The following EBF4 variants were observed in gnomAD, a reference collection of about 807,000 sequenced individuals.
The protein encoded by EBF4 is transcription factor COE4.
EBF4 carries 34 observed loss-of-function variants against 67.1 expected under a neutral mutation model. That is an observed-to-expected ratio of 0.51 (90% CI 0.39 to 0.67). The LOEUF (loss-of-function observed/expected upper bound fraction) is 0.67, where lower values mean the gene tolerates loss of function less well. EBF4 is among the 30% of genes least tolerant of loss of function. The pLI is 0.00. For synonymous variants in EBF4, 387 were observed against 377.7 expected (o/e 1.02, Z -0.29); for missense variants, 837 against 873.3 (o/e 0.96, Z 0.52).
At chr20:2,749,711 C>T in exon 9 of EBF4, 1 of 1,555,506 alleles carries the variant, frequency 6.4e-7, no homozygotes, top group Admixed American at 1.9e-5. Context: ...ACTTCTTCGA[C>T]GGGTTGCAGG....
In EBF4 at chr20:2,693,919, C is replaced by A; in HGVS notation, c.137+137C>A. On this transcript the variant is annotated intron_variant, in intron 1 of 16. Transcript: ENST00000609451. The surrounding 1 kb of genome is among the most constrained non-coding windows in gnomAD (Gnocchi z 4.6). ...GGTCCCGGCGAGCTCCCCGGCCCAC[C>A]CCGTCCGGAGTGCCTGTGCTGCCTC... 8.6e-7 allele frequency: 1 copy of A among 1,164,662 alleles called. No individual in the cohort carries two copies. Among genetic ancestry groups the A allele is most frequent in the Non-Finnish European group, 1.1e-6 (1 of 924,962 alleles). 72.1% of individuals were successfully genotyped at this position (1,164,662 alleles called of 1,614,324 possible).
chr20:2,741,725 A>C (rs748832238), intron 6 of EBF4, among the ~76,000 whole-genome samples: 1 of 152,184 alleles, frequency 6.6e-6, no homozygotes, highest in African/African-American at 2.4e-5. Flanking sequence ...GTCATGATGC[A>C]TAACTACCAT....
chr20:2,749,537 G>A lies in EBF4; in HGVS notation c.757+19G>A. Reference sequence around the variant, plus strand: ...TCCGAAGGTCAGGACCCCCGGCCCAGCCCCGGCCGCCGCGGGCCCAGCCAG... The same window carrying A: ...TCCGAAGGTCAGGACCCCCGGCCCAACCCCGGCCGCCGCGGGCCCAGCCAG... On this transcript the variant is annotated intron_variant, in intron 8 of 16. Transcript: ENST00000609451. 6.5e-7 allele frequency: 1 copy of A among 1,540,786 alleles called. No individual in the cohort carries two copies. Among genetic ancestry groups the A allele is most frequent in the Admixed American group, 2.0e-5 (1 of 49,780 alleles).
exon 2 of EBF4, chr20:2,705,675 A>G: frequency 6.4e-7 from 1 of 1,551,936 alleles, no homozygotes; most frequent in Non-Finnish European, 8.7e-7. Flanking sequence ...TACGACCGGC[A>G]GGGGCAGCCC....
chr20:2,740,778 C>A (rs1310362233), intron 6 of EBF4, among the ~76,000 whole-genome samples: 1 of 152,072 alleles, frequency 6.6e-6, no homozygotes, highest in Admixed American at 6.5e-5. Context: ...CGGAGTCTAG[C>A]GTCAGCCTAT....
intron 6 of EBF4, among the ~76,000 whole-genome samples, chr20:2,740,620 T>G (rs905675936): frequency 6.6e-6 from 1 of 152,176 alleles, no homozygotes; most frequent in African/African-American, 2.4e-5. Flanking sequence ...GTGAAAAGCC[T>G]TAGCTCTGTG....
At chr20:2,758,354 C>G (rs896311577) in intron 15 of EBF4, among the ~76,000 whole-genome samples, 4 of 152,144 alleles carry the variant, frequency 2.6e-5, no homozygotes, top group South Asian at 2.1e-4. Context: ...TACACAGTCA[C>G]TTTTTTTGCC....
At chr20:2,708,095 C>A (rs531263074) in intron 5 of EBF4, 75 bp downstream of exon 5, 4 of 1,451,108 alleles carry the variant, frequency 2.8e-6, no homozygotes, top group East Asian at 5.0e-5. Flanking sequence ...GCCCTGCCCC[C>A]TCGCCGCCCT....
chr20:2,717,164 A>G (rs1017514271), intron 6 of EBF4, among the ~76,000 whole-genome samples: 16 of 152,300 alleles, frequency 1.1e-4, no homozygotes, highest in African/African-American at 3.8e-4. Flanking sequence ...AATAACGGCC[A>G]CAAATACTCA....
chr20:2,735,998 A>G (rs761595585), intron 6 of EBF4, among the ~76,000 whole-genome samples: 81 of 152,368 alleles, frequency 5.3e-4, no homozygotes, highest in Middle Eastern at 3.4e-3. Flanking sequence ...ATGGTAGCCA[A>G]TAGCCACACA....
At chr20:2,749,818 A>T (rs1442556712) in intron 9 of EBF4, 29 bp from the exon 10 acceptor site, 28 of 1,543,758 alleles carry the variant, frequency 1.8e-5, no homozygotes, top group Non-Finnish European at 2.4e-5. Context: ...CCGGTGCGGG[A>T]CCTGCAGGCC....
rs141533859 is a variant in EBF4, at chr20:2,701,112, G to C, written c.138-4465G>C. Among the ~76,000 whole-genome samples the C allele has an allele frequency of 4.1e-3, 628 of 152,326 alleles. 3 individuals carry two copies. The highest frequency in any genetic ancestry group is 0.014 in the African/African-American group (576 of 41,592). Reference sequence around the variant, plus strand: ...ACTGCCCTGTTGTTGTCCATGGCACGGATCTTGTCCTGCAGCTGTAAACTA... The same window carrying C: ...ACTGCCCTGTTGTTGTCCATGGCACCGATCTTGTCCTGCAGCTGTAAACTA... On this transcript the variant is annotated intron_variant, in intron 1 of 16. Coordinates refer to ENST00000609451, the Ensembl canonical transcript of EBF4.
intron 1 of EBF4, among the ~76,000 whole-genome samples, chr20:2,697,239 T>A (rs2087302990): frequency 6.6e-6 from 1 of 151,962 alleles, no homozygotes; most frequent in African/African-American, 2.4e-5. Context: ...GGAAGGAAAG[T>A]TCTGAGCAAA....
intron 1 of EBF4, among the ~76,000 whole-genome samples, chr20:2,698,815 G>A (rs540213796): frequency 4.6e-5 from 7 of 152,256 alleles, no homozygotes; most frequent in Non-Finnish European, 7.3e-5. Flanking sequence ...GGCAAGGCAC[G>A]GCTCAAAACC....
At position 2,755,455 on chromosome 20, in the gene EBF4, G is replaced by A; in HGVS notation, c.1541-172G>A. On this transcript the variant is annotated intron_variant, in intron 14 of 16. Coordinates refer to ENST00000609451, the Ensembl canonical transcript of EBF4. This position sits in a 1 kb window ranked among gnomAD's most constrained non-coding sequence, Gnocchi z 4.7. ...GAGAAAAGGTCTCCAGAACCGCTGA[G>A]AGGTCAGGGCTGGCCCAGGACCCTC... 1.7e-6 allele frequency: 1 copy of A among 591,788 alleles called. No homozygotes were observed. Among genetic ancestry groups the A allele is most frequent in the South Asian group, 2.0e-5 (1 of 49,068 alleles). The allele number at this position is 591,788 out of a possible 1,614,324, so 36.7% of individuals were successfully genotyped here.
intron 6 of EBF4, among the ~76,000 whole-genome samples, chr20:2,728,149 C>T (rs899132924): frequency 6.6e-6 from 1 of 152,168 alleles, no homozygotes; most frequent in Non-Finnish European, 1.5e-5. Flanking sequence ...ATAAGTTGCA[C>T]TAAGAAGGGT....
rs2087290139 is a variant in EBF4 at position 2,696,471 on chromosome 20, CA to C, written c.137+2694del. ...TGGGCGGCAGAGTGAAACTGTGCCT[CA>C]AAAATAAATAAGTAAATAAATAAAA... On this transcript the variant is annotated intron_variant, in intron 1 of 16. Transcript: ENST00000609451. This position sits in a 1 kb window ranked among gnomAD's most constrained non-coding sequence, Gnocchi z 4.7. Among the ~76,000 whole-genome samples, 1 of 151,812 alleles carries C rather than the reference CA, an allele frequency of 6.6e-6. No individual in the cohort carries two copies. The highest frequency in any genetic ancestry group is 2.4e-5 in the African/African-American group (1 of 41,294).
rs191713096 is a variant in EBF4, at chr20:2,733,159, T to C, written c.558-15390T>C. Among the ~76,000 whole-genome samples the C allele has an allele frequency of 3.3e-3, 500 of 152,348 alleles. 3 individuals carry two copies. Among genetic ancestry groups the C allele is most frequent in the Non-Finnish European group, 4.8e-3 (327 of 68,038 alleles). On this transcript the variant is annotated intron_variant, in intron 6 of 16. Coordinates refer to ENST00000609451, the Ensembl canonical transcript of EBF4. The stretch of plus-strand genomic sequence containing the variant: ...TTTTTGAAGTTGATCATTTTAGAAG[T>C]TGATAGTTTTGCTGGACATGCAATT...
intron 7 of EBF4, 123 bp from the exon 8 acceptor site, chr20:2,749,278 T>C: frequency 1.4e-6 from 1 of 705,684 alleles, no homozygotes; most frequent in East Asian, 2.9e-5. Flanking sequence ...GCCCTCCTCC[T>C]CCCACCAGTG....
Sources: gnomAD v4.1 joint callset for allele counts (sites outside exome capture counted in the v4.1 genomes callset) on GRCh38, gnomAD v4.1.1 for gene constraint, Gnocchi (gnomAD v3.1) non-coding constraint, MANE v1.5 for transcripts, NCBI Gene and HGNC (gene_info 2026-07-23, HGNC 2026-07-21) for gene names.